Variants in DNMT1 observed in about 807,000 individuals in gnomAD.
DNMT1 encodes the protein DNA (cytosine-5)-methyltransferase 1.
In DNMT1, 24 loss-of-function variants were observed where a neutral mutation model predicts 205.3. That is an observed-to-expected ratio of 0.12 (90% CI 0.08 to 0.16). DNMT1 has a LOEUF of 0.16. DNMT1 is among the 10% of genes least tolerant of loss of function. DNMT1 has a pLI of 1.00. For missense variants in DNMT1, 1,293 were observed against 2,177.7 expected, an observed-to-expected ratio of 0.59 and a Z score of 8.09; for synonymous variants, 817 against 839.8, an observed-to-expected ratio of 0.97 and a Z score of 0.47.
intron 1 of DNMT1, among the ~76,000 whole-genome samples, chr19:10,193,665 CAAAAAA>C (rs35583463): frequency 1.9e-5 from 2 of 106,118 alleles, no homozygotes; most frequent in African/African-American, 7.0e-5. Flanking sequence ...ACCCAGCCTT[CAAAAAA>C]AAAAAAAAAA....
At chr19:10,139,501 C>T (rs1205971426) in intron 34 of DNMT1, among the ~76,000 whole-genome samples, 175 bp downstream of exon 34, 2 of 152,228 alleles carry the variant, frequency 1.3e-5, no homozygotes, top group African/African-American at 4.8e-5. Flanking sequence ...TGCTGGGGGC[C>T]GGCTGAGCAC....
rs773645662 is a variant in DNMT1, at chr19:10,146,138, C to T, written c.2894+213G>A. 5.9e-5 allele frequency among the ~76,000 whole-genome samples: 9 copies of T among 152,130 alleles called. No individual in the cohort carries two copies. Among genetic ancestry groups the T allele is most frequent in the Non-Finnish European group, 1.0e-4 (7 of 68,028 alleles). Reference sequence around the variant, plus strand: ...GAGAAACCACACCCAGCCAAACCAGCGAGTTGACTTTTACGCTCAGCTTTG... The same window carrying T: ...GAGAAACCACACCCAGCCAAACCAGTGAGTTGACTTTTACGCTCAGCTTTG... On this transcript the variant is annotated intron_variant, in intron 28 of 40. Transcript: ENST00000359526. This position sits in a 1 kb window ranked among gnomAD's most constrained non-coding sequence, Gnocchi z 4.4.
chr19:10,138,678 A>G lies in DNMT1; in HGVS notation c.3949-73T>C. 6.5e-7 allele frequency: 1 copy of G among 1,541,716 alleles called. No homozygotes were observed. ...AACTGGACTGGCCAGACCCAGGCCC[A>G]GGGTCAGCAGCCTGAGTCGGGAGTG... is the stretch of plus-strand genomic sequence containing the variant. On this transcript the variant is annotated intron_variant, in intron 34 of 40. Transcript: ENST00000359526. The surrounding 1 kb of genome is among the most constrained non-coding windows in gnomAD (Gnocchi z 4.1).
At chr19:10,135,442 G>T (rs762428769) in intron 39 of DNMT1, 3 of 468,984 alleles carry the variant, frequency 6.4e-6, no homozygotes, top group Admixed American at 6.7e-5. Context: ...AACCTACAGC[G>T]AGTGAGCTGT....
At chr19:10,188,397 G>A (rs1170137341) in intron 1 of DNMT1, among the ~76,000 whole-genome samples, 5 of 152,110 alleles carry the variant, frequency 3.3e-5, no homozygotes, top group Admixed American at 6.6e-5. Context: ...AAAATTAACC[G>A]GGCTTGGTGG....
chr19:10,141,143 G>A lies in DNMT1; in HGVS notation c.3356C>T (p.Ala1119Val), dbSNP rs2089592768. 6.2e-7 allele frequency: 1 copy of A among 1,613,942 alleles called. No individual in the cohort carries two copies. ...SKSFEDPPNH[A>V]RSPGNKGKGK... is the part of the protein sequence containing the mutation. Reference sequence around the variant, plus strand: ...CTTCCCTTTGTTTCCAGGGCTACGGGCATGGTTGGGAGGATCTTCAAAGCT... The same window carrying A: ...CTTCCCTTTGTTTCCAGGGCTACGGACATGGTTGGGAGGATCTTCAAAGCT... The change falls in exon 31 of 41, where the codon GCC becomes GTC. Residue 1119 changes from alanine to valine, a missense_variant. Physicochemically the swap from Ala to Val is moderately conservative, Grantham distance 64 (BLOSUM62 0). Coordinates refer to ENST00000359526, the MANE Select transcript of DNMT1 (RefSeq NM_001130823.3).
chr19:10,177,002 G>A (rs897298749), intron 6 of DNMT1, among the ~76,000 whole-genome samples: 1 of 152,080 alleles, frequency 6.6e-6, no homozygotes, highest in African/African-American at 2.4e-5. Context: ...ACACAATATG[G>A]GGGTATAGAT....
intron 33 of DNMT1, 80 bp from the exon 34 acceptor site, chr19:10,139,897 A>G: frequency 6.4e-7 from 1 of 1,563,556 alleles, no homozygotes; most frequent in South Asian, 1.2e-5. Context: ...GAAGCCCCTC[A>G]CGAATGTTAT....
chr19:10,137,513 G>A lies in DNMT1; in HGVS notation c.4294-233C>T. On this transcript the variant is annotated intron_variant, in intron 36 of 40. Coordinates refer to ENST00000359526, the MANE Select transcript of DNMT1 (RefSeq NM_001130823.3). The surrounding 1 kb of genome is among the most constrained non-coding windows in gnomAD (Gnocchi z 6.4). ...AAGCTGAGCCTTTAGGGTGGGGGAAGGGGAGTGGTGCCAGGGGATGGTGAA... is the reference window on the plus strand; with the variant it reads ...AAGCTGAGCCTTTAGGGTGGGGGAAAGGGAGTGGTGCCAGGGGATGGTGAA... The A allele has an allele frequency of 3.1e-6, 2 of 641,088 alleles. No individual in the cohort carries two copies. Among genetic ancestry groups the A allele is most frequent in the Non-Finnish European group, 5.4e-6 (2 of 370,906 alleles). The allele number at this position is 641,088 out of a possible 1,614,324, so 39.7% of individuals were successfully genotyped here.
At chr19:10,179,554 G>T (rs1040292327) in intron 5 of DNMT1, among the ~76,000 whole-genome samples, 1 of 151,982 alleles carries the variant, frequency 6.6e-6, no homozygotes, top group Non-Finnish European at 1.5e-5. Context: ...ATTTAAAGAC[G>T]TACACATCTA....
chr19:10,148,572 G>A (rs1478396357), intron 27 of DNMT1, among the ~76,000 whole-genome samples: 1 of 150,902 alleles, frequency 6.6e-6, no homozygotes, highest in Non-Finnish European at 1.5e-5. Flanking sequence ...AAATATCTAA[G>A]AAACAGCCAA....
chr19:10,138,334 T>C lies in DNMT1; in HGVS notation c.4115+105A>G. 1.3e-6 allele frequency: 2 copies of C among 1,559,288 alleles called. No individual in the cohort carries two copies. Among genetic ancestry groups the C allele is most frequent in the South Asian group, 1.1e-5 (1 of 88,698 alleles). ...GAGCACCGTGTGGCAGGGCAGATGC[T>C]GTACCATCCTCTCCTCCCCAAGCCT... On this transcript the variant is annotated intron_variant, in intron 35 of 40. Transcript: ENST00000359526. The surrounding 1 kb of genome is among the most constrained non-coding windows in gnomAD (Gnocchi z 4.1).
chr19:10,169,324 C>A (rs1049500524), intron 9 of DNMT1, among the ~76,000 whole-genome samples: 1 of 144,786 alleles, frequency 6.9e-6, no homozygotes, highest in African/African-American at 2.6e-5. Context: ...GGGCAGATCA[C>A]GAGGTCAGGA....
chr19:10,174,033 C>T (rs949466790), intron 7 of DNMT1, 128 bp from the exon 8 acceptor site: 4 of 963,474 alleles, frequency 4.2e-6, no homozygotes, highest in East Asian at 5.0e-5. Context: ...AAAGAAGGGG[C>T]CTGGGTTTTG....
chr19:10,178,085 C>T (rs56273315), intron 5 of DNMT1, among the ~76,000 whole-genome samples: 8,481 of 149,852 alleles, frequency 0.057, 332 homozygotes, highest in Non-Finnish European at 0.084. Context: ...GGTGAAACCC[C>T]GTCTCTATTA....
chr19:10,193,701 G>T (rs1249421492), intron 1 of DNMT1, among the ~76,000 whole-genome samples: 1 of 151,872 alleles, frequency 6.6e-6, no homozygotes, highest in East Asian at 1.9e-4. Context: ...AAAAAGCGGG[G>T]GTTGAACCAA....
chr19:10,148,472 G>A (rs1449451425), intron 27 of DNMT1, among the ~76,000 whole-genome samples: 1 of 149,518 alleles, frequency 6.7e-6, no homozygotes, highest in East Asian at 1.9e-4. Context: ...CTCCAGCCTG[G>A]GCAACAGAGC....
intron 1 of DNMT1, among the ~76,000 whole-genome samples, chr19:10,191,253 C>G (rs1360944337): frequency 6.6e-6 from 1 of 151,238 alleles, no homozygotes; most frequent in Admixed American, 6.6e-5. Flanking sequence ...TGCACTCTAG[C>G]CTGGGCCACA....
Position 10,155,337 on chromosome 19 carries a change from C to CT in DNMT1, c.1493-282dup, listed in dbSNP as rs561209748. Among the ~76,000 whole-genome samples the CT allele has an allele frequency of 0.043, 6,318 of 145,992 alleles. 204 individuals are homozygous for CT. Among genetic ancestry groups the CT allele is most frequent in the Middle Eastern group, 0.1 (28 of 280 alleles). ...TTGGGTTGCAAGAATAAGACCTGCTCTTTTTTTTTTTTCAGGGGAGGACAG... is the reference window on the plus strand; with the variant it reads ...TTGGGTTGCAAGAATAAGACCTGCTCTTTTTTTTTTTTTCAGGGGAGGACAG... On this transcript the variant is annotated intron_variant, in intron 19 of 40. Transcript: ENST00000359526.
Sources: gnomAD v4.1 joint callset for allele counts (sites outside exome capture counted in the v4.1 genomes callset) on GRCh38, gnomAD v4.1.1 for gene constraint, Gnocchi (gnomAD v3.1) non-coding constraint, MANE v1.5 for transcripts, NCBI Gene and HGNC (gene_info 2026-07-23, HGNC 2026-07-21) for gene names.